The following PCNX2 variants were observed in gnomAD, a reference collection of about 807,000 sequenced individuals.
PCNX2 encodes pecanex-like protein 2.
PCNX2 carries 168 observed loss-of-function variants against 223.8 expected under a neutral mutation model. That is an observed-to-expected ratio of 0.75 (90% confidence interval 0.66 to 0.85). The LOEUF (loss-of-function observed/expected upper bound fraction) is 0.85. Among genes scored for constraint, PCNX2 ranks in the 40% least tolerant of loss-of-function variants. The pLI is 0.00. For missense variants in PCNX2, 2,507 were observed against 2,675.5 expected (o/e 0.94, Z 1.39); for synonymous variants, 1,006 against 1,052.6 (o/e 0.96, Z 0.86).
intron 23 of PCNX2, chr1:233,087,234 C>A: frequency 1.0e-6 from 1 of 984,076 alleles, no homozygotes; most frequent in Non-Finnish European, 1.2e-6. Flanking sequence ...GCAATAAAAA[C>A]CAAGGGACTG....
At position 232,986,313 on chromosome 1, in the gene PCNX2, G is replaced by C; in HGVS notation, c.6019C>G (p.Leu2007Val). The change falls in exon 33 of 34, where the codon CTG (leucine) becomes GTG (valine). Residue 2007 changes from leucine (L) to valine (V), a missense_variant. By Grantham distance (32) the Leu-to-Val change is conservative. Coordinates refer to ENST00000258229, the MANE Select transcript of PCNX2 (RefSeq NM_014801.4). ...GCCTCGGCCCGCTCACGGACACTCA[G>C]GTGGCCGGTGGTGGTGACGGGCGGG... The part of the protein sequence containing the change: ...QPPPVTTTGH[L>V]SVRERAEALI... The C allele has an allele frequency of 6.3e-7, 1 of 1,583,200 alleles. No homozygotes were observed. The highest frequency in any genetic ancestry group is 8.6e-7 in the Non-Finnish European group (1 of 1,165,508).
At chr1:233,107,901 T>G (rs1218778437) in intron 21 of PCNX2, among the ~76,000 whole-genome samples, 1 of 152,148 alleles carries the variant, frequency 6.6e-6, no homozygotes, top group East Asian at 1.9e-4. Context: ...CATAAAGACC[T>G]TGCTGATAAA....
chr1:233,147,581 G>GA (rs57899098), intron 19 of PCNX2, among the ~76,000 whole-genome samples: 2,582 of 144,346 alleles, frequency 0.018, 36 homozygotes, highest in Non-Finnish European at 0.022. Context: ...AACTTTTACT[G>GA]AAAAAAAAAA....
intron 23 of PCNX2, among the ~76,000 whole-genome samples, chr1:233,067,556 C>A (rs1352008671): frequency 6.6e-6 from 1 of 151,804 alleles, no homozygotes; most frequent in Non-Finnish European, 1.5e-5. Flanking sequence ...TCATTGCAAC[C>A]TTCACCTCCA....
intron 26 of PCNX2, among the ~76,000 whole-genome samples, chr1:233,019,750 TGTG>T (rs1282604658): frequency 8.4e-6 from 1 of 119,468 alleles, no homozygotes; most frequent in Non-Finnish European, 1.8e-5. Context: ...GGAGAACCGT[TGTG>T]TCTGTGGTGG....
chr1:233,302,507 T>C, the PCNX2 span, among the ~76,000 whole-genome samples: 2 of 152,040 alleles, frequency 1.3e-5, no homozygotes, highest in Non-Finnish European at 1.5e-5. Context: ...TCATCTTCTT[T>C]ATCAAATGAT....
intron 19 of PCNX2, among the ~76,000 whole-genome samples, chr1:233,142,109 T>G (rs1677165571): frequency 6.6e-6 from 1 of 152,162 alleles, no homozygotes; most frequent in Non-Finnish European, 1.5e-5. Flanking sequence ...AAGTATAATT[T>G]TTTCTGGAGT....
intron 14 of PCNX2, among the ~76,000 whole-genome samples, chr1:233,199,859 C>T (rs933206961): frequency 5.3e-5 from 8 of 152,050 alleles, no homozygotes; most frequent in Non-Finnish European, 1.5e-5. Context: ...CATTCACACA[C>T]GGAGTGTTTT....
At chr1:233,185,850 G>A (rs766923446) in intron 15 of PCNX2, among the ~76,000 whole-genome samples, 1 of 152,114 alleles carries the variant, frequency 6.6e-6, no homozygotes, top group Admixed American at 6.5e-5. Flanking sequence ...CCTCAAAATT[G>A]GGAATGATAA....
At chr1:232,992,072 G>T (rs1669722364) in intron 32 of PCNX2, among the ~76,000 whole-genome samples, 1 of 152,244 alleles carries the variant, frequency 6.6e-6, no homozygotes, top group Non-Finnish European at 1.5e-5. Flanking sequence ...CAAGAGAGAT[G>T]ATAGCAAGAG....
In PCNX2 at chr1:233,241,297, G is replaced by A. The variant is rs572681916; in HGVS notation, c.2223-4317C>T. On this transcript the variant is annotated intron_variant, in intron 8 of 33. Coordinates refer to ENST00000258229, the MANE Select transcript of PCNX2 (RefSeq NM_014801.4). ...TGTGGCAGCAGTGGCTGTTGCCACC[G>A]GAACAGAACCACACTGAGCGGCAGG... 2.2e-5 allele frequency: 22 copies of A among 985,396 alleles called. No individual in the cohort carries two copies. The South Asian group carries it at 2.3e-4, about 11-fold the overall frequency. The allele number at this position is 985,396 out of a possible 1,614,324, so 61.0% of individuals were successfully genotyped here. A position where few individuals can be genotyped will look rare whatever the true frequency, so the allele number is the denominator to read the frequency against.
At chr1:233,031,746 T>G (rs2102843749) in intron 25 of PCNX2, 1 of 984,828 alleles carries the variant, frequency 1.0e-6, no homozygotes, top group Middle Eastern at 5.3e-4. Context: ...TTTGTCTTTC[T>G]GCCAGACCTC....
At chr1:233,273,064 G>A (rs1660727158) in intron 1 of PCNX2, among the ~76,000 whole-genome samples, 1 of 150,762 alleles carries the variant, frequency 6.6e-6, no homozygotes, top group African/African-American at 2.4e-5. Context: ...TTGGGTGATG[G>A]GTGCAACAAA....
chr1:233,280,454 T>C (rs1045976410), intron 1 of PCNX2, among the ~76,000 whole-genome samples: 1 of 152,110 alleles, frequency 6.6e-6, no homozygotes, highest in African/African-American at 2.4e-5. Flanking sequence ...TGCGCCACCA[T>C]GCCCGGCTAA....
rs1676526811 is a variant in PCNX2 at position 233,131,909 on chromosome 1, C to A, written c.3837+3104G>T. On this transcript the variant is annotated intron_variant, in intron 21 of 33. Coordinates refer to ENST00000258229, the MANE Select transcript of PCNX2 (RefSeq NM_014801.4). ...GATGGCAAAGTGAGTCAAATGCCTG[C>A]ACAACTAAGCTTTTGTGGATTTCGT... 3.3e-5 allele frequency among the ~76,000 whole-genome samples: 5 copies of A among 151,306 alleles called. No homozygotes were observed. In the South Asian group the frequency reaches 1.0e-3, roughly 32 times the overall value.
chr1:233,070,325 A>C (rs1672799185), intron 23 of PCNX2, among the ~76,000 whole-genome samples: 1 of 152,178 alleles, frequency 6.6e-6, no homozygotes, highest in Non-Finnish European at 1.5e-5. Context: ...ATCTTTCAGA[A>C]ATTATAGGAG....
At chr1:233,221,069 A>G (rs931760774) in intron 10 of PCNX2, among the ~76,000 whole-genome samples, 8 of 152,230 alleles carry the variant, frequency 5.3e-5, no homozygotes, top group African/African-American at 1.4e-4. Flanking sequence ...AAGGAAAACA[A>G]TGGGTGATTT....
chr1:233,250,865 G>A, intron 7 of PCNX2, 33 bp from the exon 8 acceptor site: 1 of 1,540,362 alleles, frequency 6.5e-7, no homozygotes, highest in Non-Finnish European at 8.8e-7. Context: ...CAAAGAATAT[G>A]ACATAATTAT....
chr1:233,260,578 TAC>T (rs1170636787), intron 4 of PCNX2, among the ~76,000 whole-genome samples: 1 of 152,182 alleles, frequency 6.6e-6, no homozygotes, highest in African/African-American at 2.4e-5. Flanking sequence ...TATAATGGGA[TAC>T]AACTGAATGA....
Sources: gnomAD v4.1 joint callset for allele counts (sites outside exome capture counted in the v4.1 genomes callset) on GRCh38, gnomAD v4.1.1 for gene constraint, MANE v1.5 for transcripts, NCBI Gene and HGNC (gene_info 2026-07-23, HGNC 2026-07-21) for gene names.